Variants in MAGI2 observed in about 807,000 individuals in gnomAD.
MAGI2 encodes the protein membrane-associated guanylate kinase, WW and PDZ domain-containing protein 2.
Under a neutral mutation model 133.3 loss-of-function variants are expected in MAGI2, and 35 were observed. The ratio of observed to expected loss-of-function variants is 0.26; its 90% CI spans 0.20 to 0.35. The LOEUF (loss-of-function observed/expected upper bound fraction) is 0.35, where lower values mean the gene tolerates loss of function less well. Ranked by LOEUF, MAGI2 falls within the 10% of genes least tolerant of loss-of-function variation. The probability of loss-of-function intolerance (pLI) is 1.00; values close to 1 mark genes in which losing one functional copy is unlikely to be tolerated. For missense variants in MAGI2, 1,636 were observed against 1,863.4 expected, an observed-to-expected ratio of 0.88 and a Z score of 2.25; for synonymous variants, 729 against 710.6, an observed-to-expected ratio of 1.03 and a Z score of -0.41.
chr7:78,331,767 C>G (rs1395025948), intron 9 of MAGI2, among the ~76,000 whole-genome samples: 1 of 152,172 alleles, frequency 6.6e-6, no homozygotes, highest in Admixed American at 6.5e-5. Flanking sequence ...GTTATAATGT[C>G]TAGCACCATT....
At chr7:78,466,886 C>T (rs921154140) in intron 6 of MAGI2, among the ~76,000 whole-genome samples, 5 of 152,096 alleles carry the variant, frequency 3.3e-5, no homozygotes, top group African/African-American at 9.7e-5. Flanking sequence ...TGTTCTGTGA[C>T]CTTGCCTGGG....
At chr7:78,886,081 T>C (rs1796238643) in intron 2 of MAGI2, among the ~76,000 whole-genome samples, 2 of 152,258 alleles carry the variant, frequency 1.3e-5, no homozygotes, top group African/African-American at 4.8e-5. Flanking sequence ...GCAGTCCATG[T>C]ATTTGCATCA....
intron 1 of MAGI2, among the ~76,000 whole-genome samples, chr7:79,272,255 T>C (rs1834932729): frequency 6.6e-6 from 1 of 152,154 alleles, no homozygotes; most frequent in African/African-American, 2.4e-5. Flanking sequence ...GTTGGAATTC[T>C]ACTCTTTGAC....
chr7:78,204,140 T>A (rs1165007515), intron 10 of MAGI2, among the ~76,000 whole-genome samples: 2 of 152,248 alleles, frequency 1.3e-5, no homozygotes, highest in Non-Finnish European at 2.9e-5. Flanking sequence ...GCATGTATTG[T>A]GTGGTGAATT....
intron 2 of MAGI2, among the ~76,000 whole-genome samples, chr7:78,654,449 T>A (rs1276690148): frequency 6.6e-6 from 1 of 151,938 alleles, no homozygotes; most frequent in African/African-American, 2.4e-5. Context: ...TAATTACATA[T>A]CAAATAGGTT....
At chr7:79,019,943 G>A (rs1809123146) in intron 1 of MAGI2, among the ~76,000 whole-genome samples, 2 of 152,186 alleles carry the variant, frequency 1.3e-5, no homozygotes, top group South Asian at 4.1e-4. Context: ...AAAAAATGTG[G>A]AAGCAAATTT....
At chr7:79,150,983 G>A (rs563643769) in intron 1 of MAGI2, among the ~76,000 whole-genome samples, 63 of 151,920 alleles carry the variant, frequency 4.1e-4, no homozygotes, top group Admixed American at 6.6e-4. Flanking sequence ...GGCTCACAGC[G>A]TTTTTGTTTG....
chr7:78,151,465 G>A (rs542260064), intron 16 of MAGI2, among the ~76,000 whole-genome samples: 2 of 152,260 alleles, frequency 1.3e-5, no homozygotes, highest in South Asian at 4.1e-4. Flanking sequence ...AGGTGAATCA[G>A]GGGGCACATT....
intron 1 of MAGI2, among the ~76,000 whole-genome samples, chr7:79,116,651 G>A (rs1261832581): frequency 6.6e-6 from 1 of 152,162 alleles, no homozygotes; most frequent in African/African-American, 2.4e-5. Flanking sequence ...TGCCAATATT[G>A]GAGGTGAGGC....
intron 21 of MAGI2, among the ~76,000 whole-genome samples, chr7:78,068,531 G>C (rs1384638443): frequency 6.6e-6 from 1 of 151,966 alleles, no homozygotes; most frequent in Non-Finnish European, 1.5e-5. Context: ...CATGAATGGG[G>C]GCAGGGAGTA....
chr7:78,691,510 T>G (rs1816952515), intron 2 of MAGI2, among the ~76,000 whole-genome samples: 1 of 152,184 alleles, frequency 6.6e-6, no homozygotes, highest in South Asian at 2.1e-4. Flanking sequence ...GTGAGAGCCT[T>G]CATCCTGATT....
At chr7:78,582,127 G>A (rs961944233) in intron 3 of MAGI2, among the ~76,000 whole-genome samples, 4 of 152,180 alleles carry the variant, frequency 2.6e-5, no homozygotes, top group African/African-American at 9.6e-5. Flanking sequence ...TTTGAGTAGT[G>A]TGTCCTGAAC....
intron 1 of MAGI2, among the ~76,000 whole-genome samples, chr7:79,045,834 T>C (rs1812126654): frequency 6.6e-6 from 1 of 152,020 alleles, no homozygotes; most frequent in Non-Finnish European, 1.5e-5. Flanking sequence ...GATGTGGCAA[T>C]GAAAGGGTAG....
At chr7:79,021,670 C>T (rs1220137320) in intron 1 of MAGI2, among the ~76,000 whole-genome samples, 1 of 152,120 alleles carries the variant, frequency 6.6e-6, no homozygotes, top group Non-Finnish European at 1.5e-5. Flanking sequence ...ATTTTACAGG[C>T]TCATAGGTGG....
At chr7:78,949,439 G>T (rs1383885741) in intron 2 of MAGI2, among the ~76,000 whole-genome samples, 1 of 152,086 alleles carries the variant, frequency 6.6e-6, no homozygotes, top group African/African-American at 2.4e-5. Context: ...AAAGACAAGT[G>T]AAACTACGAA....
At chr7:78,321,849 GAA>G (rs1327637809) in intron 9 of MAGI2, among the ~76,000 whole-genome samples, 1 of 152,082 alleles carries the variant, frequency 6.6e-6, no homozygotes, top group Non-Finnish European at 1.5e-5. Flanking sequence ...CAGAATGGGA[GAA>G]AAATTTTGCA....
chr7:78,145,615 C>G (rs778831997), intron 16 of MAGI2, among the ~76,000 whole-genome samples: 47 of 152,264 alleles, frequency 3.1e-4, no homozygotes, highest in Admixed American at 2.6e-3. Context: ...TCTTTTGGCC[C>G]TTCCTCCTTT....
At chr7:78,397,801 G>C (rs1796497637) in intron 6 of MAGI2, among the ~76,000 whole-genome samples, 1 of 152,054 alleles carries the variant, frequency 6.6e-6, no homozygotes, top group South Asian at 2.1e-4. Flanking sequence ...TGCTATAGCA[G>C]GAAGTAGTTC....
chr7:79,189,018 A>G (rs1435743352), intron 1 of MAGI2, among the ~76,000 whole-genome samples: 3 of 151,904 alleles, frequency 2.0e-5, no homozygotes, highest in Admixed American at 6.6e-5. Flanking sequence ...CATTTAATCA[A>G]TTCCCTCTTT....
Sources: allele counts gnomAD v4.1 joint callset (sites outside exome capture counted in the v4.1 genomes callset), GRCh38; gene constraint gnomAD v4.1.1; transcripts MANE v1.5; gene names NCBI Gene and HGNC (gene_info 2026-07-23, HGNC 2026-07-21).